PDE3A: variants seen among roughly 807,000 people sequenced by gnomAD.
PDE3A encodes the protein cGMP-inhibited 3',5'-cyclic phosphodiesterase 3A.
A neutral mutation model predicts 98.3 loss-of-function variants in PDE3A; 43 were observed. The observed-to-expected ratio is 0.44, with a 90% CI of 0.34 to 0.56. The LOEUF is 0.56. PDE3A is among the 20% of genes least tolerant of loss of function. The pLI is 0.01. For synonymous variants in PDE3A, 663 were observed against 567.9 expected (o/e 1.17, Z -2.38); for missense variants, 1,427 against 1,440.7 (o/e 0.99, Z 0.15).
chr12:20,660,931 T>A, intron 15 of PDE3A, among the ~76,000 whole-genome samples: 2 of 151,386 alleles, frequency 1.3e-5, no homozygotes, highest in East Asian at 4.0e-4. Context: ...ACTTTGGAAC[T>A]GGGTAACAGG....
At chr12:20,497,267 A>T (rs1945936897) in intron 1 of PDE3A, among the ~76,000 whole-genome samples, 1 of 152,104 alleles carries the variant, frequency 6.6e-6, no homozygotes, top group Non-Finnish European at 1.5e-5. Context: ...ACTTATCTCA[A>T]TTGAAAAATG....
intron 1 of PDE3A, among the ~76,000 whole-genome samples, chr12:20,412,509 T>A (rs1290588370): frequency 6.6e-6 from 1 of 152,122 alleles, no homozygotes; most frequent in East Asian, 1.9e-4. Flanking sequence ...AATGTATCCA[T>A]AGGCAATTGT....
chr12:20,456,039 G>T (rs1412663801), intron 1 of PDE3A, among the ~76,000 whole-genome samples: 3 of 152,084 alleles, frequency 2.0e-5, no homozygotes, highest in Non-Finnish European at 4.4e-5. Flanking sequence ...TAAATGTTAT[G>T]AAATGACTAA....
At chr12:20,551,293 T>C (rs920257252) in intron 1 of PDE3A, among the ~76,000 whole-genome samples, 1 of 152,194 alleles carries the variant, frequency 6.6e-6, no homozygotes, top group Non-Finnish European at 1.5e-5. Flanking sequence ...CTTGAAGATA[T>C]TATTCTTTAC....
chr12:20,399,370 G>A (rs1050377087), intron 1 of PDE3A, among the ~76,000 whole-genome samples: 1 of 152,114 alleles, frequency 6.6e-6, no homozygotes, highest in African/African-American at 2.4e-5. Context: ...CAAAGGAGCT[G>A]CAGCAAATGT....
At position 20,386,195 on chromosome 12, in the gene PDE3A, ATATATAAAAAT is replaced by A. The variant is rs1565532727; in HGVS notation, c.960+15952_960+15962del. Among the ~76,000 whole-genome samples, 100 of 77,092 alleles carry A rather than the reference ATATATAAAAAT, an allele frequency of 1.3e-3. 4 individuals carry two copies. The highest frequency in any genetic ancestry group is 5.2e-3 in the Middle Eastern group (1 of 194). 50.6% of individuals were successfully genotyped at this position (77,092 alleles called of 152,430 possible). A position where few individuals can be genotyped will look rare whatever the true frequency, so the allele number is the denominator to read the frequency against. Reference sequence around the variant, plus strand: ...TAAAAATATATATAAATATATATAAATATATAAAAATATATATAAATATATAAAAAATAAAA... The same window carrying A: ...TAAAAATATATATAAATATATATAAAATATATAAATATATAAAAAATAAAA... On this transcript the variant is annotated intron_variant, in intron 1 of 15. Transcript: ENST00000359062.
At chr12:20,478,128 T>C (rs1256325552) in intron 1 of PDE3A, among the ~76,000 whole-genome samples, 1 of 152,220 alleles carries the variant, frequency 6.6e-6, no homozygotes, top group Non-Finnish European at 1.5e-5. Context: ...GAGAGAAGGA[T>C]AATTAGCTTT....
chr12:20,612,195 A>G (rs1424615025), intron 2 of PDE3A, among the ~76,000 whole-genome samples: 1 of 151,888 alleles, frequency 6.6e-6, no homozygotes, highest in African/African-American at 2.4e-5. Flanking sequence ...TTGTAAATGA[A>G]AGTTGTTTTT....
intron 1 of PDE3A, among the ~76,000 whole-genome samples, chr12:20,413,839 C>G (rs1249930056): frequency 6.6e-6 from 1 of 152,108 alleles, no homozygotes; most frequent in Non-Finnish European, 1.5e-5. Flanking sequence ...GCAGCCAGGA[C>G]AGTGGAGGAG....
chr12:20,374,435 T>G (rs915204931), intron 1 of PDE3A, among the ~76,000 whole-genome samples: 1 of 152,078 alleles, frequency 6.6e-6, no homozygotes, highest in Non-Finnish European at 1.5e-5. Context: ...GCTGTCATGT[T>G]AATTAAATAA....
chr12:20,453,071 G>C (rs1321473996), intron 1 of PDE3A, among the ~76,000 whole-genome samples: 2 of 151,870 alleles, frequency 1.3e-5, no homozygotes, highest in Non-Finnish European at 2.9e-5. Flanking sequence ...CCACTGTTTT[G>C]AATCTGTAGG....
intron 2 of PDE3A, among the ~76,000 whole-genome samples, chr12:20,570,860 A>C (rs1942787076): frequency 6.6e-6 from 1 of 152,140 alleles, no homozygotes; most frequent in African/African-American, 2.4e-5. Context: ...ACAGACTAGA[A>C]TTGTCAGCTC....
intron 3 of PDE3A, among the ~76,000 whole-genome samples, chr12:20,615,123 A>C (rs1592114162): frequency 7.4e-6 from 1 of 134,596 alleles, no homozygotes; most frequent in Non-Finnish European, 1.5e-5. Context: ...CTGGTCTCAA[A>C]CTCCTCGTGA....
chr12:20,615,511 G>T (rs1943982509), intron 3 of PDE3A, among the ~76,000 whole-genome samples: 1 of 152,096 alleles, frequency 6.6e-6, no homozygotes, highest in African/African-American at 2.4e-5. Context: ...TTGGGGGTAT[G>T]ACTGTGGTGC....
chr12:20,448,405 C>G (rs561082645), intron 1 of PDE3A, among the ~76,000 whole-genome samples: 1 of 152,254 alleles, frequency 6.6e-6, no homozygotes, highest in East Asian at 1.9e-4. Context: ...CGCGTCAATG[C>G]ACAACAGCCT....
At chr12:20,535,450 C>T (rs1476198702) in intron 1 of PDE3A, among the ~76,000 whole-genome samples, 3 of 152,156 alleles carry the variant, frequency 2.0e-5, no homozygotes, top group African/African-American at 4.8e-5. Flanking sequence ...TGCATTCTGT[C>T]TGTGGGACCT....
At chr12:20,630,388 C>A (rs929441796) in intron 6 of PDE3A, among the ~76,000 whole-genome samples, 1 of 152,070 alleles carries the variant, frequency 6.6e-6, no homozygotes, top group African/African-American at 2.4e-5. Context: ...GTATATGTTG[C>A]CTGTTTGCTG....
chr12:20,462,515 T>G (rs143149695), intron 1 of PDE3A, among the ~76,000 whole-genome samples: 1 of 152,234 alleles, frequency 6.6e-6, no homozygotes, highest in African/African-American at 2.4e-5. Context: ...AAATCGAATT[T>G]TTTTTTGGTT....
intron 1 of PDE3A, among the ~76,000 whole-genome samples, chr12:20,485,371 C>T (rs1301348155): frequency 6.6e-6 from 1 of 152,082 alleles, no homozygotes; most frequent in Non-Finnish European, 1.5e-5. Context: ...CCAACTTGAT[C>T]ATCAGCAATG....
Sources: allele counts gnomAD v4.1 joint callset (sites outside exome capture counted in the v4.1 genomes callset), GRCh38; gene constraint gnomAD v4.1.1; transcripts MANE v1.5; gene names NCBI Gene and HGNC (gene_info 2026-07-23, HGNC 2026-07-21).